Variants in NTM observed in about 807,000 individuals in gnomAD.
NTM encodes IgLON family member 2.
NTM carries 13 observed loss-of-function variants against 42.1 expected under a neutral mutation model. The ratio of observed to expected loss-of-function variants is 0.31; its 90% confidence interval spans 0.20 to 0.49. The LOEUF is 0.49. Ranked by LOEUF, NTM falls within the 20% of genes least tolerant of loss-of-function variation. The pLI, the probability that NTM is intolerant of heterozygous loss-of-function variation, is 0.99. For synonymous variants in NTM, 187 were observed against 179.2 expected, an observed-to-expected ratio of 1.04 and a Z score of -0.35; for missense variants, 373 against 452.8, an observed-to-expected ratio of 0.82 and a Z score of 1.60.
chr11:132,307,674 C>T lies in NTM; in HGVS notation c.527-15C>T. ...TTTCCTTGTATTTCACCACACGTTACCGGTTTTCCCGCAGCGGTTGGCTTT... is the reference window on the plus strand; with the variant it reads ...TTTCCTTGTATTTCACCACACGTTATCGGTTTTCCCGCAGCGGTTGGCTTT... On this transcript the variant is annotated splice_polypyrimidine_tract_variant and intron_variant, in intron 4 of 8. Transcript: ENST00000683400. 1.2e-6 allele frequency: 2 copies of T among 1,613,804 alleles called. No homozygotes were observed. Among genetic ancestry groups the T allele is most frequent in the African/African-American group, 1.3e-5 (1 of 75,020 alleles).
intron 1 of NTM, among the ~76,000 whole-genome samples, chr11:131,726,877 C>T (rs529346711): frequency 6.6e-6 from 1 of 151,280 alleles, no homozygotes; most frequent in Non-Finnish European, 1.5e-5. Flanking sequence ...CCATGCATGG[C>T]TATTTTTTTC....
chr11:131,782,126 A>G (rs1016205372), intron 1 of NTM, among the ~76,000 whole-genome samples: 1 of 152,224 alleles, frequency 6.6e-6, no homozygotes, highest in Non-Finnish European at 1.5e-5. Context: ...TGAAAAGATC[A>G]GGAAGATTAA....
At chr11:131,808,946 T>C (rs1389304361) in intron 1 of NTM, among the ~76,000 whole-genome samples, 1 of 152,216 alleles carries the variant, frequency 6.6e-6, no homozygotes, top group Non-Finnish European at 1.5e-5. Context: ...TTCTCATCAT[T>C]GATAGAAGAT....
rs1374617287 is a variant in NTM at position 132,307,696 on chromosome 11, C to G, written c.534C>G (p.Gly178=). Residue 178 remains glycine (G), a synonymous_variant, in exon 5 of 9, where the codon GGC becomes GGG. Coordinates refer to ENST00000683400, the MANE Select transcript of NTM (RefSeq NM_001352005.2). ...TWRHISPKAV[G]FVSEDEYLEI... ...TTACCGGTTTTCCCGCAGCGGTTGG[C>G]TTTGTGAGTGAAGACGAATACTTGG... The G allele has an allele frequency of 6.2e-7, 1 of 1,614,034 alleles. No individual in the cohort carries two copies. Among genetic ancestry groups the G allele is most frequent in the Non-Finnish European group, 8.5e-7 (1 of 1,180,020 alleles).
intron 1 of NTM, among the ~76,000 whole-genome samples, chr11:131,851,530 G>GGCGC (rs373506319): frequency 0.013 from 919 of 69,868 alleles, 12 homozygotes; most frequent in East Asian, 0.031. Flanking sequence ...TGGTGAGAAT[G>GGCGC]GCGTGTGTGT....
At chr11:131,622,848 T>G (rs1592261507) in intron 1 of NTM, among the ~76,000 whole-genome samples, 1 of 152,198 alleles carries the variant, frequency 6.6e-6, no homozygotes, top group African/African-American at 2.4e-5. Flanking sequence ...GAGTGCTCCT[T>G]GGGTGGCATT....
intron 2 of NTM, among the ~76,000 whole-genome samples, chr11:131,960,610 G>C (rs544376976): frequency 6.6e-6 from 1 of 152,316 alleles, no homozygotes; most frequent in East Asian, 1.9e-4. Context: ...TGTCAGGAGG[G>C]GATGCTGGAC....
chr11:131,516,344 C>T (rs970347482), intron 1 of NTM, among the ~76,000 whole-genome samples: 1 of 152,204 alleles, frequency 6.6e-6, no homozygotes, highest in African/African-American at 2.4e-5. Context: ...GAATCTCAAG[C>T]CTGTGCCCTT....
intron 1 of NTM, among the ~76,000 whole-genome samples, chr11:131,509,911 A>G (rs1328304980): frequency 1.3e-5 from 2 of 152,214 alleles, no homozygotes; most frequent in Non-Finnish European, 2.9e-5. Context: ...CATGATATAA[A>G]GACACATATC....
chr11:131,864,862 T>A (rs1207146574), intron 1 of NTM, among the ~76,000 whole-genome samples: 1 of 152,196 alleles, frequency 6.6e-6, no homozygotes, highest in Admixed American at 6.5e-5. Flanking sequence ...CCCTTTTTAA[T>A]GTCCATGATT....
At chr11:131,789,494 A>AAGAAAGAAGAAGAAGAAG (rs1555127409) in intron 1 of NTM, among the ~76,000 whole-genome samples, 1 of 3,860 alleles carries the variant, frequency 2.6e-4, no homozygotes, top group Non-Finnish European at 4.9e-4. Flanking sequence ...GAAGAAGAGG[A>AAGAAAGAAGAAGAAGAAG]AAGAAGAAGA....
At chr11:131,713,300 A>C (rs963068673) in intron 1 of NTM, among the ~76,000 whole-genome samples, 3 of 152,238 alleles carry the variant, frequency 2.0e-5, no homozygotes, top group Non-Finnish European at 4.4e-5. Context: ...GGTGAGGTAC[A>C]AAAGGGTCTT....
chr11:132,076,711 A>G (rs1434563116), intron 2 of NTM, among the ~76,000 whole-genome samples: 2 of 152,178 alleles, frequency 1.3e-5, no homozygotes, highest in South Asian at 2.1e-4. Context: ...ACATTTTTCT[A>G]AGGAATCTCT....
rs947185974 is a variant in NTM at position 132,264,661 on chromosome 11, G to T, written c.527-43028G>T. On this transcript the variant is annotated intron_variant, in intron 4 of 8. Transcript: ENST00000683400. ...AAAGGCAAGATATAAAGAGATGAATGAATTAAAATAAGAAGAGTTCCTCCC... is the reference window on the plus strand; with the variant it reads ...AAAGGCAAGATATAAAGAGATGAATTAATTAAAATAAGAAGAGTTCCTCCC... 3.3e-5 allele frequency among the ~76,000 whole-genome samples: 5 copies of T among 152,186 alleles called. No individual in the cohort carries two copies. The South Asian group carries it at 1.0e-3, about 31-fold the overall frequency.
intron 1 of NTM, among the ~76,000 whole-genome samples, chr11:131,426,574 A>G (rs1948155093): frequency 6.6e-6 from 1 of 152,142 alleles, no homozygotes; most frequent in South Asian, 2.1e-4. Context: ...AAAACAAGCA[A>G]ACAAAAGAGC....
intron 7 of NTM, among the ~76,000 whole-genome samples, chr11:132,315,824 C>T (rs1458324645): frequency 6.6e-6 from 1 of 152,172 alleles, no homozygotes; most frequent in Non-Finnish European, 1.5e-5. Flanking sequence ...GAGAAAGCCG[C>T]CCTTGATCCC....
chr11:132,113,603 T>C (rs1000139691), intron 2 of NTM, among the ~76,000 whole-genome samples: 2 of 152,128 alleles, frequency 1.3e-5, no homozygotes, highest in African/African-American at 4.8e-5. Context: ...CCTCCACCAC[T>C]GGCTGGGATG....
intron 1 of NTM, among the ~76,000 whole-genome samples, chr11:131,399,642 C>T (rs567846036): frequency 6.6e-6 from 1 of 152,304 alleles, no homozygotes; most frequent in East Asian, 1.9e-4. Context: ...GCCCCTCACT[C>T]AGTGTCCCCA....
At chr11:132,270,264 C>T (rs1225530765) in intron 4 of NTM, among the ~76,000 whole-genome samples, 1 of 152,176 alleles carries the variant, frequency 6.6e-6, no homozygotes, top group Non-Finnish European at 1.5e-5. Flanking sequence ...CAGAATCTCT[C>T]TCGTTTGCCC....
Sources: allele counts gnomAD v4.1 joint callset (sites outside exome capture counted in the v4.1 genomes callset), GRCh38; gene constraint gnomAD v4.1.1; transcripts MANE v1.5; gene names NCBI Gene and HGNC (gene_info 2026-07-23, HGNC 2026-07-21).